CHSY3: variants seen among roughly 807,000 people sequenced by gnomAD.
CHSY3 encodes the protein N-acetylgalactosaminyl-proteoglycan 3-beta-glucuronosyltransferase 3.
A neutral mutation model predicts 67.2 loss-of-function variants in CHSY3; 35 were observed. The ratio of observed to expected loss-of-function variants is 0.52; its 90% CI spans 0.40 to 0.69. CHSY3 has a LOEUF of 0.69. Among genes scored for constraint, CHSY3 ranks in the 30% least tolerant of loss-of-function variants. The pLI, the probability that CHSY3 is intolerant of heterozygous loss-of-function variation, is 0.00. For missense variants in CHSY3, 1,069 were observed against 1,138.5 expected, an observed-to-expected ratio of 0.94 and a Z score of 0.88; for synonymous variants, 474 against 434.7, an observed-to-expected ratio of 1.09 and a Z score of -1.12.
chr5:129,968,932 T>A (rs1421773462), intron 2 of CHSY3, among the ~76,000 whole-genome samples: 9 of 151,814 alleles, frequency 5.9e-5, no homozygotes, highest in African/African-American at 2.2e-4. Flanking sequence ...AGCCTGGGAA[T>A]CTGTATGTAA....
At chr5:129,911,656 G>A (rs1760554403) in intron 2 of CHSY3, among the ~76,000 whole-genome samples, 2 of 152,022 alleles carry the variant, frequency 1.3e-5, no homozygotes, top group Admixed American at 1.3e-4. Flanking sequence ...TACATCAAAA[G>A]GGTCAAAATA....
intron 2 of CHSY3, among the ~76,000 whole-genome samples, chr5:130,015,923 T>A (rs1459697351): frequency 1.3e-5 from 2 of 152,204 alleles, no homozygotes; most frequent in East Asian, 1.9e-4. Context: ...TGAAATCATG[T>A]CCTTGACAGC....
At chr5:130,045,769 A>T (rs1765129262) in intron 2 of CHSY3, among the ~76,000 whole-genome samples, 1 of 152,048 alleles carries the variant, frequency 6.6e-6, no homozygotes, top group Non-Finnish European at 1.5e-5. Context: ...ATTTTCGGAG[A>T]TGGAAACTTT....
At chr5:130,136,042 A>C (rs1364504846) in intron 2 of CHSY3, among the ~76,000 whole-genome samples, 2 of 152,210 alleles carry the variant, frequency 1.3e-5, no homozygotes, top group African/African-American at 4.8e-5. Context: ...AAAGCTGTTA[A>C]AGAAAACAAG....
intron 2 of CHSY3, among the ~76,000 whole-genome samples, chr5:129,994,694 A>G (rs1040490819): frequency 6.6e-6 from 1 of 152,190 alleles, no homozygotes; most frequent in Non-Finnish European, 1.5e-5. Context: ...TGGCACATAT[A>G]TACCATGGAA....
At chr5:130,119,525 C>T (rs1767936070) in intron 2 of CHSY3, among the ~76,000 whole-genome samples, 1 of 152,086 alleles carries the variant, frequency 6.6e-6, no homozygotes, top group Non-Finnish European at 1.5e-5. Flanking sequence ...CACTTTTTCC[C>T]TCTCCCACTG....
intron 2 of CHSY3, among the ~76,000 whole-genome samples, chr5:130,044,565 G>A (rs114005139): frequency 6.6e-6 from 1 of 152,076 alleles, no homozygotes; most frequent in South Asian, 2.1e-4. Flanking sequence ...AAGGGATGGT[G>A]GTGGGTAGCA....
At chr5:129,999,432 G>GA (rs1377102728) in intron 2 of CHSY3, among the ~76,000 whole-genome samples, 2 of 152,052 alleles carry the variant, frequency 1.3e-5, no homozygotes, top group Non-Finnish European at 2.9e-5. Flanking sequence ...ATTACAGTAA[G>GA]AACTGAGATC....
rs1399457952 is a variant in CHSY3, at chr5:130,020,443, ATATATATATATATATATATTTTT to A, written c.1086+112085_1086+112107del. On this transcript the variant is annotated intron_variant, in intron 2 of 2. Coordinates refer to ENST00000305031, the MANE Select transcript of CHSY3 (RefSeq NM_175856.5). ...TCAAAATATATATATATATATATAT[ATATATATATATATATATATTTTT>A]TTTTTTTTTTTTTCCTCTGGCTCCT... Among the ~76,000 whole-genome samples the A allele has an allele frequency of 8.5e-3, 66 of 7,740 alleles. 2 individuals are homozygous for A. Among genetic ancestry groups the A allele is most frequent in the African/African-American group, 0.029 (60 of 2,102 alleles). 5.1% of individuals were successfully genotyped at this position (7,740 alleles called of 152,430 possible).
At chr5:130,062,456 C>CT (rs1343406945) in intron 2 of CHSY3, among the ~76,000 whole-genome samples, 3 of 152,060 alleles carry the variant, frequency 2.0e-5, no homozygotes, top group African/African-American at 7.2e-5. Context: ...AAAATGTTCA[C>CT]TATTTGGGTA....
chr5:130,005,275 C>T (rs561344837), intron 2 of CHSY3, among the ~76,000 whole-genome samples: 2 of 151,846 alleles, frequency 1.3e-5, no homozygotes, highest in African/African-American at 4.8e-5. Flanking sequence ...ATTAGCTGGG[C>T]ATGGTGGCAT....
At chr5:129,938,483 C>T (rs1761582005) in intron 2 of CHSY3, among the ~76,000 whole-genome samples, 1 of 152,202 alleles carries the variant, frequency 6.6e-6, no homozygotes, top group Non-Finnish European at 1.5e-5. Context: ...TGCTTTGCTT[C>T]CCTTTTAAAT....
chr5:129,988,821 T>C (rs969076894), intron 2 of CHSY3, among the ~76,000 whole-genome samples: 1 of 152,196 alleles, frequency 6.6e-6, no homozygotes, highest in African/African-American at 2.4e-5. Context: ...ATGTGATTTT[T>C]CTAGAAGTAT....
At chr5:130,079,004 C>T (rs1336447823) in intron 2 of CHSY3, among the ~76,000 whole-genome samples, 3 of 152,162 alleles carry the variant, frequency 2.0e-5, no homozygotes, top group African/African-American at 7.2e-5. Flanking sequence ...GATTTCTTCT[C>T]CTCCAAAGGT....
At chr5:130,146,063 T>C (rs1477198652) in intron 2 of CHSY3, among the ~76,000 whole-genome samples, 1 of 152,128 alleles carries the variant, frequency 6.6e-6, no homozygotes, top group Non-Finnish European at 1.5e-5. Flanking sequence ...AAATTAAAAC[T>C]AGAACTATCA....
rs1361280204 is a variant in CHSY3, at chr5:130,177,233, G to GTA, written c.1087-6982_1087-6981dup. Among the ~76,000 whole-genome samples, 904 of 150,978 alleles carry GTA rather than the reference G, an allele frequency of 6.0e-3. 10 individuals carry two copies. Among genetic ancestry groups the GTA allele is most frequent in the African/African-American group, 0.021 (876 of 41,182 alleles). ...TGTGTATATATATGTGTGTGTGTGT[G>GTA]TATATATATATATATGTTTTGTATT... is the stretch of plus-strand genomic sequence containing the variant. On this transcript the variant is annotated intron_variant, in intron 2 of 2. Coordinates refer to ENST00000305031, the MANE Select transcript of CHSY3 (RefSeq NM_175856.5).
chr5:129,936,185 C>T (rs2149591585), intron 2 of CHSY3, among the ~76,000 whole-genome samples: 1 of 152,252 alleles, frequency 6.6e-6, no homozygotes, highest in South Asian at 2.1e-4. Context: ...TTGGAGAAAA[C>T]TAATTTGCCT....
At chr5:130,049,232 G>C (rs1365702721) in intron 2 of CHSY3, among the ~76,000 whole-genome samples, 1 of 152,000 alleles carries the variant, frequency 6.6e-6, no homozygotes. Context: ...TTTCATGAGA[G>C]TTGAGAATTT....
At chr5:129,983,153 G>C (rs949946584) in intron 2 of CHSY3, among the ~76,000 whole-genome samples, 9 of 152,012 alleles carry the variant, frequency 5.9e-5, no homozygotes, top group Admixed American at 1.3e-4. Flanking sequence ...TAGTATAATT[G>C]ACGATGTTTG....
Sources: gnomAD v4.1 joint callset for allele counts (sites outside exome capture counted in the v4.1 genomes callset) on GRCh38, gnomAD v4.1.1 for gene constraint, MANE v1.5 for transcripts, NCBI Gene and HGNC (gene_info 2026-07-23, HGNC 2026-07-21) for gene names.